Variants in UBXN2A observed in about 807,000 individuals in gnomAD.
UBXN2A encodes the protein UBX domain protein 2A, also known as UBX domain-containing protein 2A.
A neutral mutation model predicts 28.4 loss-of-function variants in UBXN2A; 28 were observed. That is an observed-to-expected ratio of 0.99 (90% CI 0.73 to 1.35). The LOEUF is 1.35. UBXN2A is among the 40% of genes most tolerant of loss of function. The pLI is 0.00. For synonymous variants in UBXN2A, 97 were observed against 103.6 expected (o/e 0.94, Z 0.39); for missense variants, 253 against 297.9 (o/e 0.85, Z 1.11).
intron 1 of UBXN2A, among the ~76,000 whole-genome samples, chr2:23,941,679 T>A (rs1229033341): frequency 1.3e-5 from 2 of 152,218 alleles, no homozygotes; most frequent in African/African-American, 4.8e-5. Context: ...TTCAAAAAAA[T>A]TTTAGTACCT....
intron 1 of UBXN2A, among the ~76,000 whole-genome samples, chr2:23,933,639 T>C (rs540791807): frequency 1.3e-5 from 2 of 152,280 alleles, no homozygotes; most frequent in East Asian, 1.9e-4. Flanking sequence ...GGAGGATCAC[T>C]TGGGCCCAGG....
At chr2:23,950,557 C>T (rs982092222) in intron 1 of UBXN2A, among the ~76,000 whole-genome samples, 4 of 151,890 alleles carry the variant, frequency 2.6e-5, no homozygotes, top group East Asian at 1.9e-4. Flanking sequence ...CGCCCTCCAC[C>T]ATGCCTGGCT....
In UBXN2A at chr2:24,003,018, T is replaced by G. The variant is rs541003522; in HGVS notation, c.*3151T>G. The G allele has an allele frequency of 2.2e-4, 33 of 152,306 alleles. 1 individual carries two copies. Among genetic ancestry groups the G allele is most frequent in the African/African-American group, 7.9e-4 (33 of 41,562 alleles). The allele number at this position is 152,306 out of a possible 1,614,324, so 9.4% of individuals were successfully genotyped here. A position where few individuals can be genotyped will look rare whatever the true frequency, so the allele number is the denominator to read the frequency against. ...GAACCAATCTATATAAAGTGATGGT[T>G]CACAATGATTCTGAAGCCTTAGTTT... On this transcript the variant is annotated 3_prime_UTR_variant, in exon 7 of 7. Coordinates refer to ENST00000309033, the MANE Select transcript of UBXN2A (RefSeq NM_181713.4).
At chr2:23,946,798 A>G (rs900149350) in intron 1 of UBXN2A, among the ~76,000 whole-genome samples, 5 of 152,066 alleles carry the variant, frequency 3.3e-5, no homozygotes, top group Non-Finnish European at 5.9e-5. Context: ...AGATTCTTAT[A>G]CACTTATTTT....
At chr2:23,945,750 T>C (rs7578969) in intron 1 of UBXN2A, among the ~76,000 whole-genome samples, 18,308 of 152,168 alleles carry the variant, frequency 0.12, 1,192 homozygotes, top group Middle Eastern at 0.21. Context: ...CCATGAAATA[T>C]ATGTTTTAAA....
intron 3 of UBXN2A, among the ~76,000 whole-genome samples, chr2:23,972,192 C>G (rs1370971151): frequency 2.0e-5 from 3 of 152,136 alleles, no homozygotes; most frequent in Non-Finnish European, 4.4e-5. Flanking sequence ...AACACCTTAG[C>G]AGGAATCAAG....
chr2:23,995,110 G>A (rs1185090379), intron 6 of UBXN2A, among the ~76,000 whole-genome samples: 3 of 152,146 alleles, frequency 2.0e-5, no homozygotes, highest in Non-Finnish European at 4.4e-5. Flanking sequence ...AATAACTTAA[G>A]AATTTGTTAC....
intron 6 of UBXN2A, among the ~76,000 whole-genome samples, chr2:23,985,351 T>C (rs113039006): frequency 0.19 from 28,541 of 152,000 alleles, 2,798 homozygotes; most frequent in Middle Eastern, 0.26. Flanking sequence ...CAGCTTCAAG[T>C]GATTGTCCTG....
At chr2:23,985,818 A>G (rs549397803) in intron 6 of UBXN2A, among the ~76,000 whole-genome samples, 2 of 152,186 alleles carry the variant, frequency 1.3e-5, no homozygotes, top group Admixed American at 1.3e-4. Context: ...CCATATAGTG[A>G]GACCTCGTGT....
chr2:23,976,261 G>A (rs1235638185), intron 3 of UBXN2A, among the ~76,000 whole-genome samples: 2 of 152,116 alleles, frequency 1.3e-5, no homozygotes, highest in African/African-American at 2.4e-5. Context: ...GGAAGATTGC[G>A]GTGAAACCCT....
chr2:23,993,302 A>G (rs1360907582), intron 6 of UBXN2A, among the ~76,000 whole-genome samples: 1 of 152,230 alleles, frequency 6.6e-6, no homozygotes, highest in Non-Finnish European at 1.5e-5. Flanking sequence ...GTGAATAACA[A>G]TGAAACACGT....
intron 2 of UBXN2A, among the ~76,000 whole-genome samples, chr2:23,963,446 T>C (rs907265719): frequency 9.7e-5 from 14 of 144,970 alleles, no homozygotes; most frequent in Non-Finnish European, 1.8e-4. Flanking sequence ...CACTCCAGCC[T>C]GAGTGAAAGA....
chr2:23,934,521 A>C (rs946518488), intron 1 of UBXN2A, among the ~76,000 whole-genome samples: 8 of 152,176 alleles, frequency 5.3e-5, no homozygotes, highest in Non-Finnish European at 1.2e-4. Context: ...CCAATTGGTA[A>C]AGAGGATGCA....
chr2:23,979,658 T>C (rs972157765), intron 4 of UBXN2A, among the ~76,000 whole-genome samples: 3 of 152,098 alleles, frequency 2.0e-5, no homozygotes, highest in African/African-American at 4.8e-5. Context: ...AGCTTCAAAC[T>C]CCCCGTCTCA....
intron 1 of UBXN2A, among the ~76,000 whole-genome samples, chr2:23,951,274 G>C (rs777403471): frequency 4.0e-5 from 6 of 151,576 alleles, no homozygotes; most frequent in Non-Finnish European, 5.9e-5. Context: ...AAAGAGCTGG[G>C]ATCTTTATCT....
At chr2:23,930,717 T>A (rs1705341251) in intron 1 of UBXN2A, among the ~76,000 whole-genome samples, 1 of 151,886 alleles carries the variant, frequency 6.6e-6, no homozygotes, top group African/African-American at 2.4e-5. Flanking sequence ...AATAAAATTT[T>A]AAAAAAGAGA....
chr2:23,988,395 G>T (rs1708214838), intron 6 of UBXN2A, among the ~76,000 whole-genome samples: 1 of 152,104 alleles, frequency 6.6e-6, no homozygotes, highest in Admixed American at 6.5e-5. Flanking sequence ...GCACTTAGTT[G>T]TCGTATCTCA....
chr2:23,951,708 G>C (rs974808561), intron 1 of UBXN2A, among the ~76,000 whole-genome samples: 3 of 151,858 alleles, frequency 2.0e-5, no homozygotes, highest in Non-Finnish European at 4.4e-5. Flanking sequence ...TGATCCCCCT[G>C]CCTGGGCCTC....
chr2:23,980,122 C>T (rs1410970782), intron 4 of UBXN2A, among the ~76,000 whole-genome samples: 1 of 152,180 alleles, frequency 6.6e-6, no homozygotes, highest in Admixed American at 6.6e-5. Context: ...AGAAGTCACT[C>T]TCCATTTTCC....
Sources: gnomAD v4.1 joint callset for allele counts (sites outside exome capture counted in the v4.1 genomes callset) on GRCh38, gnomAD v4.1.1 for gene constraint, MANE v1.5 for transcripts, NCBI Gene and HGNC (gene_info 2026-07-23, HGNC 2026-07-21) for gene names.